The following TNFAIP3 variants were observed in gnomAD, a reference collection of about 807,000 sequenced individuals.
TNFAIP3 encodes the protein tumor necrosis factor alpha-induced protein 3.
In TNFAIP3, 9 loss-of-function variants were observed where a neutral mutation model predicts 72.4. The observed-to-expected ratio is 0.12, with a 90% CI of 0.07 to 0.22. The LOEUF is 0.22. Ranked by LOEUF, TNFAIP3 falls within the 10% of genes least tolerant of loss-of-function variation. TNFAIP3 has a pLI of 1.00. For synonymous variants in TNFAIP3, 339 were observed against 372.6 expected (o/e 0.91, Z 1.04); for missense variants, 833 against 1,018.7 (o/e 0.82, Z 2.48).
rs565804696 is a variant in TNFAIP3 at position 137,876,120 on chromosome 6, C to T, written c.759C>T (p.Asp253=). 5.8e-5 allele frequency: 93 copies of T among 1,614,180 alleles called. 1 individual carries two copies. The South Asian group carries it at 9.3e-4, about 16-fold the overall frequency. ...GATACCCCATTGTTCTCGGCTATGA[C>T]AGCCATCATTTTGTACCCTTGGTGA... The part of the protein sequence containing the change: ...CYRYPIVLGY[D]SHHFVPLVTL... The change falls in exon 5 of 9, where the codon GAC becomes GAT. Residue 253 remains aspartate, a synonymous_variant. Coordinates refer to ENST00000612899, the MANE Select transcript of TNFAIP3 (RefSeq NM_001270508.2).
rs144788826 is a variant in TNFAIP3 at position 137,875,034 on chromosome 6, G to T, written c.485G>T (p.Arg162Leu). Residue 162 changes from arginine (R) to leucine (L), a missense_variant and splice_region_variant, in exon 3 of 9, where the codon CGG becomes CTG. This residue lies in a region of TNFAIP3 where 246 missense variants were observed against 360.9 expected (regional missense o/e 0.68). Coordinates refer to ENST00000612899, the MANE Select transcript of TNFAIP3 (RefSeq NM_001270508.2). ...FVETGLCYDTRNWNDEWDNLI... is the reference protein window; with the variant it reads ...FVETGLCYDTLNWNDEWDNLI... ...GAAACGGGGCTTTGCTATGATACTC[G>T]GGTAGGTTTTTCCCCCTAATTATCT... 4.3e-6 allele frequency: 7 copies of T among 1,614,018 alleles called. No individual in the cohort carries two copies. The South Asian group carries it at 7.7e-5, about 18-fold the overall frequency.
rs71009567 is a variant in TNFAIP3 at position 137,869,337 on chromosome 6, AGATGGATG to A, written c.-16+1830_-15-1834del. On this transcript the variant is annotated intron_variant, in intron 1 of 8. Transcript: ENST00000612899. ...TGGGTGGATGGGTGGATGGATGGAT[AGATGGATG>A]GATGGATGGATGGATGGATGGATGG... Among the ~76,000 whole-genome samples, 53 of 145,146 alleles carry A rather than the reference AGATGGATG, an allele frequency of 3.7e-4. 1 individual carries two copies. The highest frequency in any genetic ancestry group is 1.1e-3 in the African/African-American group (42 of 38,986).
Position 137,880,308 on chromosome 6 carries a change from G to T in TNFAIP3, c.2088+56G>T, listed in dbSNP as rs565245224. The T allele has an allele frequency of 1.1e-5, 17 of 1,590,748 alleles. No individual in the cohort carries two copies. In the African/African-American group the frequency reaches 2.0e-4, roughly 19 times the overall value. ...CCCGTGTGTTCGATGCTTTTTGCTG[G>T]AGCGTTTTCTACCGACAGTGACAAG... On this transcript the variant is annotated intron_variant, in intron 8 of 8. Transcript: ENST00000612899.
At chr6:137,880,752 T>C (rs1776422685) in intron 8 of TNFAIP3, among the ~76,000 whole-genome samples, 2 of 152,296 alleles carry the variant, frequency 1.3e-5, no homozygotes, top group Non-Finnish European at 2.9e-5. Flanking sequence ...CAGTGGTTTT[T>C]GGTCCCAACA....
At chr6:137,873,077 G>A (rs902573378) in intron 2 of TNFAIP3, among the ~76,000 whole-genome samples, 5 of 152,114 alleles carry the variant, frequency 3.3e-5, no homozygotes, top group African/African-American at 9.7e-5. Context: ...GTGCATTTTG[G>A]TAACATTTTC....
Position 137,878,706 on chromosome 6 carries a change from C to A in TNFAIP3, c.1261C>A (p.Leu421Met), listed in dbSNP as rs755227859. Reference protein sequence around the residue: ...RQKNQNKLPKLNSKPGPEGLP... With the variant: ...RQKNQNKLPKMNSKPGPEGLP... ...AAAGAATCAAAACAAACTCCCAAAG[C>A]TGAACTCCAAGCCGGGCCCTGAGGG... The change falls in exon 7 of 9, where the codon CTG becomes ATG. Residue 421 changes from leucine (L) to methionine (M), a missense_variant. Physicochemically the swap from Leu to Met is conservative, Grantham distance 15 (BLOSUM62 2). Transcript: ENST00000612899. 14 of 1,614,036 alleles carry A rather than the reference C, an allele frequency of 8.7e-6. No homozygotes were observed. Among genetic ancestry groups the A allele is most frequent in the Middle Eastern group, 1.6e-4 (1 of 6,084 alleles).
At position 137,878,791 on chromosome 6, in the gene TNFAIP3, A is replaced by T. The variant is rs768003499; in HGVS notation, c.1346A>T (p.Asn449Ile). 6.2e-7 allele frequency: 1 copy of T among 1,613,850 alleles called. No homozygotes were observed. The highest frequency in any genetic ancestry group is 8.5e-7 in the Non-Finnish European group (1 of 1,179,970). Residue 449 changes from asparagine (N) to isoleucine (I), a missense_variant, in exon 7 of 9, where the codon AAC (asparagine) becomes ATC (isoleucine). By Grantham distance (149) the Asn-to-Ile change is moderately radical. Around this residue, in one of 2 missense-constraint regions of TNFAIP3, gnomAD observed 587 missense variants for 657.8 expected, o/e 0.89. Transcript: ENST00000612899. ...RGEAYEPLAW[N>I]PEESTGGPHS... ...GAAGCCTATGAGCCCTTGGCGTGGA[A>T]CCCTGAGGAGTCCACTGGGGGGCCT...
rs184499981 is a variant in TNFAIP3 at position 137,876,290 on chromosome 6, G to C, written c.805+124G>C. On this transcript the variant is annotated intron_variant, in intron 5 of 8. Transcript: ENST00000612899. ...TTTTTATTTAAATATATTGTTCTGT[G>C]ACTTGCTTGGTTAGTAAGAGTAATG... The C allele has an allele frequency of 1.7e-3, 1,452 of 838,968 alleles. 16 individuals carry two copies. Among genetic ancestry groups the C allele is most frequent in the Middle Eastern group, 0.016 (46 of 2,878 alleles). 52.0% of individuals were successfully genotyped at this position (838,968 alleles called of 1,614,324 possible).
chr6:137,875,899 G>A (rs1365123609), intron 4 of TNFAIP3, 64 bp downstream of exon 4: 11 of 1,605,540 alleles, frequency 6.9e-6, no homozygotes, highest in African/African-American at 2.7e-5. Context: ...TTGGCTCCTG[G>A]AGAAAACCAC....
intron 8 of TNFAIP3, 145 bp downstream of exon 8, chr6:137,880,397 G>A (rs1177950027): frequency 2.2e-6 from 2 of 906,320 alleles, no homozygotes; most frequent in Non-Finnish European, 3.4e-6. Flanking sequence ...AACCTGAAGG[G>A]GAATGTCCAT....
In TNFAIP3 at chr6:137,871,294, G is replaced by C; in HGVS notation, c.67G>C (p.Glu23Gln). The C allele has an allele frequency of 6.2e-7, 1 of 1,614,150 alleles. No individual in the cohort carries two copies. The highest frequency in any genetic ancestry group is 8.5e-7 in the Non-Finnish European group (1 of 1,180,030). ...SNMRKAVKIR[E>Q]RTPEDIFKPT... ...TATGCGGAAAGCTGTGAAGATACGG[G>C]AGAGAACTCCAGAAGACATTTTTAA... Residue 23 changes from glutamate (E) to glutamine (Q), a missense_variant, in exon 2 of 9, where the codon GAG becomes CAG. This residue lies in a region of TNFAIP3 where 246 missense variants were observed against 360.9 expected (regional missense o/e 0.68). Transcript: ENST00000612899. The surrounding 1 kb of genome is among the most constrained non-coding windows in gnomAD (Gnocchi z 4.2).
intron 4 of TNFAIP3, 67 bp from the exon 5 acceptor site, chr6:137,875,929 C>CA: frequency 6.2e-7 from 1 of 1,600,254 alleles, no homozygotes. Flanking sequence ...GTTCAGGTAA[C>CA]AGAGTTCAAT....
chr6:137,878,780 C>G lies in TNFAIP3; in HGVS notation c.1335C>G (p.Pro445=), dbSNP rs1776337020. ...CCTCTCGGGGAGAAGCCTATGAGCCCTTGGCGTGGAACCCTGAGGAGTCCA... is the reference window on the plus strand; with the variant it reads ...CCTCTCGGGGAGAAGCCTATGAGCCGTTGGCGTGGAACCCTGAGGAGTCCA... ...LGASRGEAYE[P]LAWNPEESTG... is the part of the protein sequence containing the mutation. The change falls in exon 7 of 9, where the codon CCC becomes CCG. Residue 445 remains proline (P), a synonymous_variant. Transcript: ENST00000612899. The G allele has an allele frequency of 6.2e-7, 1 of 1,614,000 alleles. No individual in the cohort carries two copies. Among genetic ancestry groups the G allele is most frequent in the Non-Finnish European group, 8.5e-7 (1 of 1,180,036 alleles).
rs79608867 is a variant in TNFAIP3 at position 137,871,133 on chromosome 6, G to C, written c.-15-80G>C. 17,279 of 1,354,754 alleles carry C rather than the reference G, an allele frequency of 0.013. 137 individuals carry two copies. The highest frequency in any genetic ancestry group is 0.016 in the Non-Finnish European group (15,778 of 997,658). 83.9% of individuals were successfully genotyped at this position (1,354,754 alleles called of 1,614,324 possible). ...GGTAATGACAAGATCAAACACTGGG[G>C]TTTCCTGCAGGCAGCTATAGAGGAG... On this transcript the variant is annotated intron_variant, in intron 1 of 8. Coordinates refer to ENST00000612899, the MANE Select transcript of TNFAIP3 (RefSeq NM_001270508.2). This position sits in a 1 kb window ranked among gnomAD's most constrained non-coding sequence, Gnocchi z 4.2.
intron 1 of TNFAIP3, among the ~76,000 whole-genome samples, chr6:137,870,542 A>C (rs921338818): frequency 6.6e-6 from 1 of 152,254 alleles, no homozygotes; most frequent in African/African-American, 2.4e-5. Flanking sequence ...TTGATTAGAA[A>C]ACATTCGGTT....
chr6:137,877,314 C>T (rs2114491642), intron 6 of TNFAIP3, 58 bp downstream of exon 6: 2 of 1,480,768 alleles, frequency 1.4e-6, no homozygotes, highest in Non-Finnish European at 9.1e-7. Context: ...TTAACCTCAG[C>T]CACCTGAGTT....
chr6:137,883,032 C>T lies in TNFAIP3; in HGVS notation c.*1713C>T, dbSNP rs913280308. On this transcript the variant is annotated 3_prime_UTR_variant, in exon 9 of 9. Coordinates refer to ENST00000612899, the MANE Select transcript of TNFAIP3 (RefSeq NM_001270508.2). ...TAGAGCCCCCTAAGTTTTTCCCAGA[C>T]GAATCTTTATAATTTCTTTCCAAAG... The T allele has an allele frequency of 1.0e-4, 22 of 218,634 alleles. No individual in the cohort carries two copies. The highest frequency in any genetic ancestry group is 4.1e-4 in the Admixed American group (7 of 17,268). 13.5% of individuals were successfully genotyped at this position (218,634 alleles called of 1,614,324 possible).
Position 137,867,949 on chromosome 6 carries a change from TTG to T in TNFAIP3, c.-16+410_-16+411del, listed in dbSNP as rs1432839079. On this transcript the variant is annotated intron_variant, in intron 1 of 8. Transcript: ENST00000612899. This position sits in a 1 kb window ranked among gnomAD's most constrained non-coding sequence, Gnocchi z 6.0. ...AGAAGCGCTGCGGCTTTTTCCCAAA[TTG>T]TGCAGGACCAGCCCGACGGGGCGTA... The T allele has an allele frequency of 2.0e-5, 3 of 152,394 alleles. No homozygotes were observed. The highest frequency in any genetic ancestry group is 4.4e-5 in the Non-Finnish European group (3 of 68,060). 9.4% of individuals were successfully genotyped at this position (152,394 alleles called of 1,614,324 possible).
chr6:137,880,362 T>G lies in TNFAIP3; in HGVS notation c.2088+110T>G. 2.5e-6 allele frequency: 3 copies of G among 1,186,942 alleles called. No homozygotes were observed. In the East Asian group the frequency reaches 7.3e-5, roughly 29 times the overall value. 73.5% of individuals were successfully genotyped at this position (1,186,942 alleles called of 1,614,324 possible). On this transcript the variant is annotated intron_variant, in intron 8 of 8. Transcript: ENST00000612899. ...GCTTTCCTCTCTGCCAGGTTCTGTC[T>G]CCTCATGATAAAGGATTAATTCAGA...
Sources: allele counts gnomAD v4.1 joint callset (sites outside exome capture counted in the v4.1 genomes callset), GRCh38; gene constraint gnomAD v4.1.1; regional missense constraint gnomAD v4.1.1; non-coding constraint Gnocchi (gnomAD v3.1); transcripts MANE v1.5; gene names NCBI Gene and HGNC (gene_info 2026-07-23, HGNC 2026-07-21).